Variants in DNAJC10 observed in about 807,000 individuals in gnomAD.
The protein encoded by DNAJC10 is DnaJ heat shock protein family (Hsp40) member C10.
Under a neutral mutation model 115.0 loss-of-function variants are expected in DNAJC10, and 101 were observed. That is an observed-to-expected ratio of 0.88 (90% confidence interval 0.75 to 1.04). The LOEUF is 1.04. Ranked by LOEUF, DNAJC10 falls within the 50% of genes least tolerant of loss-of-function variation. DNAJC10 has a pLI of 0.00. For synonymous variants in DNAJC10, 307 were observed against 301.5 expected (o/e 1.02, Z -0.19); for missense variants, 981 against 928.8 (o/e 1.06, Z -0.73).
rs574347065 is a variant in DNAJC10, at chr2:182,783,083, A to G, written c.*5951A>G. On this transcript the variant is annotated 3_prime_UTR_variant, in exon 24 of 24. Transcript: ENST00000264065. ...TTATTATTTTGAGATATGTTCCATC[A>G]TATCTAGTTTTTTGAGTGTTTTTAG... 1 of 152,294 alleles carries G rather than the reference A, an allele frequency of 6.6e-6. No individual in the cohort carries two copies. The highest frequency in any genetic ancestry group is 1.9e-4 in the East Asian group (1 of 5,188). The allele number at this position is 152,294 out of a possible 1,614,324, so 9.4% of individuals were successfully genotyped here. A position where few individuals can be genotyped will look rare whatever the true frequency, so the allele number is the denominator to read the frequency against.
chr2:182,717,124 A>G (rs1013213007), intron 2 of DNAJC10, 52 bp downstream of exon 2: 55 of 152,246 alleles, frequency 3.6e-4, no homozygotes, highest in African/African-American at 1.3e-3. Context: ...AAAAACAGAA[A>G]TGAGGTGCGA....
chr2:182,776,069 A>G (rs1428936365), intron 23 of DNAJC10, among the ~76,000 whole-genome samples: 1 of 152,140 alleles, frequency 6.6e-6, no homozygotes, highest in Non-Finnish European at 1.5e-5. Flanking sequence ...CTCTGAATAT[A>G]CCAAAAACCA....
At chr2:182,759,476 CTTTGTTAAAGCTTT>C (rs1047482506) in intron 21 of DNAJC10, among the ~76,000 whole-genome samples, 169 bp downstream of exon 21, 1 of 151,924 alleles carries the variant, frequency 6.6e-6, no homozygotes, top group African/African-American at 2.4e-5. Flanking sequence ...TTTCCTCTTT[CTTTGTTAAAGCTTT>C]TAGCTAACAT....
chr2:182,756,763 C>G (rs1694167184), intron 18 of DNAJC10, among the ~76,000 whole-genome samples: 1 of 152,064 alleles, frequency 6.6e-6, no homozygotes, highest in African/African-American at 2.4e-5. Context: ...CTCAACCACC[C>G]TAGTAGCTGG....
At chr2:182,750,032 C>T (rs559469204) in intron 14 of DNAJC10, among the ~76,000 whole-genome samples, 1 of 152,190 alleles carries the variant, frequency 6.6e-6, no homozygotes, top group African/African-American at 2.4e-5. Context: ...GGGCTGCTCT[C>T]AATATGGTAG....
chr2:182,769,736 G>A lies in DNAJC10; in HGVS notation c.2266-5580G>A, dbSNP rs536876370. 1.4e-4 allele frequency among the ~76,000 whole-genome samples: 21 copies of A among 152,232 alleles called. No individual in the cohort carries two copies. The South Asian group carries it at 4.1e-3, about 30-fold the overall frequency. On this transcript the variant is annotated intron_variant, in intron 22 of 23. Coordinates refer to ENST00000264065, the MANE Select transcript of DNAJC10 (RefSeq NM_018981.4). ...TGGATATTAGCCCTTTGTCAGATGGGTAGATTGCCAACATTTTCTCCCATT... is the reference window on the plus strand; with the variant it reads ...TGGATATTAGCCCTTTGTCAGATGGATAGATTGCCAACATTTTCTCCCATT...
At chr2:182,772,983 GTTTC>G (rs1694607491) in intron 22 of DNAJC10, among the ~76,000 whole-genome samples, 1 of 152,180 alleles carries the variant, frequency 6.6e-6, no homozygotes, top group Non-Finnish European at 1.5e-5. Context: ...GGTTCCAGTT[GTTTC>G]TTCCCAAGTT....
chr2:182,758,999 T>C (rs1694225667), intron 20 of DNAJC10, 109 bp downstream of exon 20: 4 of 1,095,436 alleles, frequency 3.7e-6, no homozygotes, highest in Admixed American at 2.2e-5. Flanking sequence ...GCATTTTAAA[T>C]TACTTAGTAA....
intron 11 of DNAJC10, chr2:182,739,705 G>A (rs1032430885): frequency 9.8e-7 from 1 of 1,017,600 alleles, no homozygotes. Context: ...TTTAAGATAA[G>A]ATCTGTATCA....
In DNAJC10 at chr2:182,718,097, G is replaced by A; in HGVS notation, c.11G>A (p.Trp4Ter). ...TGCATAAGAAAGAGAATGGGAGTCT[G>A]GTTAAATAAAGATGACTATATCAGA... MGV[W>*]LNKDDYIRDL... is the part of the protein sequence containing the mutation. The change falls in exon 3 of 24, where the codon TGG becomes TAG. Residue 4 changes from tryptophan (W) to a stop codon, truncating the protein, a stop_gained. Coordinates refer to ENST00000264065, the MANE Select transcript of DNAJC10 (RefSeq NM_018981.4). LOFTEE classifies it high-confidence loss of function. 6.2e-7 allele frequency: 1 copy of A among 1,601,722 alleles called. No individual in the cohort carries two copies. The highest frequency in any genetic ancestry group is 2.2e-5 in the East Asian group (1 of 44,548).
At position 182,782,581 on chromosome 2, in the gene DNAJC10, CCT is replaced by C. The variant is rs1172015762; in HGVS notation, c.*5455_*5456del. On this transcript the variant is annotated 3_prime_UTR_variant, in exon 24 of 24. Coordinates refer to ENST00000264065, the MANE Select transcript of DNAJC10 (RefSeq NM_018981.4). ...GAATGCTTTTTCCATTTGTTTCTGT[CCT>C]CTCTCATTTCCTTGAGCAGTGGTTT... 1.3e-5 allele frequency: 2 copies of C among 152,126 alleles called. No homozygotes were observed. Among genetic ancestry groups the C allele is most frequent in the African/African-American group, 2.4e-5 (1 of 41,424 alleles). 9.4% of individuals were successfully genotyped at this position (152,126 alleles called of 1,614,324 possible).
chr2:182,766,948 A>G (rs897534323), intron 22 of DNAJC10, among the ~76,000 whole-genome samples: 3 of 152,062 alleles, frequency 2.0e-5, no homozygotes, highest in Admixed American at 1.3e-4. Flanking sequence ...GGGGGAGGAA[A>G]AGGCTCCAGT....
intron 15 of DNAJC10, 50 bp from the exon 16 acceptor site, chr2:182,752,022 G>A (rs368091239): frequency 3.3e-5 from 48 of 1,455,676 alleles, no homozygotes; most frequent in African/African-American, 2.1e-4. Flanking sequence ...TGATGGGGGG[G>A]TTTTTTGTGT....
At chr2:182,732,707 T>A in intron 10 of DNAJC10, 165 bp downstream of exon 10, 1 of 611,096 alleles carries the variant, frequency 1.6e-6, no homozygotes. Context: ...TCCTGAATAA[T>A]TAGTTACGTT....
chr2:182,775,453 A>G, intron 23 of DNAJC10, 33 bp downstream of exon 23: 1 of 1,426,030 alleles, frequency 7.0e-7, no homozygotes, highest in Non-Finnish European at 9.8e-7. Context: ...ACTTTGGCAA[A>G]AGTTGGCAAA....
At chr2:182,760,103 C>T (rs1694253573) in intron 21 of DNAJC10, among the ~76,000 whole-genome samples, 3 of 152,272 alleles carry the variant, frequency 2.0e-5, no homozygotes, top group Middle Eastern at 3.4e-3. Context: ...GTCCACCTCA[C>T]ACCTTAGATT....
At chr2:182,758,794 A>G (rs1222903276) in intron 19 of DNAJC10, 43 bp from the exon 20 acceptor site, 2 of 1,362,600 alleles carry the variant, frequency 1.5e-6, no homozygotes, top group Non-Finnish European at 2.1e-6. Flanking sequence ...TACATCCAAT[A>G]ATAGAGAATC....
In DNAJC10 at chr2:182,791,286, C is replaced by A. The variant is rs1183622362; in HGVS notation, c.*14154C>A. ...ACTAGTATGCCTTGGTGTGAATAAA[C>A]CTTAACATAGAAACTCACCCAGCCT... On this transcript the variant is annotated 3_prime_UTR_variant, in exon 24 of 24. Coordinates refer to ENST00000264065, the MANE Select transcript of DNAJC10 (RefSeq NM_018981.4). 1.3e-5 allele frequency: 2 copies of A among 152,004 alleles called. No individual in the cohort carries two copies. Among genetic ancestry groups the A allele is most frequent in the African/African-American group, 2.4e-5 (1 of 41,386 alleles). 9.4% of individuals were successfully genotyped at this position (152,004 alleles called of 1,614,324 possible). A position where few individuals can be genotyped will look rare whatever the true frequency, so the allele number is the denominator to read the frequency against.
intron 14 of DNAJC10, among the ~76,000 whole-genome samples, chr2:182,750,581 C>T (rs986589906): frequency 5.9e-5 from 9 of 152,108 alleles, no homozygotes; most frequent in African/African-American, 2.2e-4. Context: ...AGATTTCATC[C>T]TTGTACAAAC....
Sources: gnomAD v4.1 joint callset for allele counts (sites outside exome capture counted in the v4.1 genomes callset) on GRCh38, gnomAD v4.1.1 for gene constraint, MANE v1.5 for transcripts, NCBI Gene and HGNC (gene_info 2026-07-23, HGNC 2026-07-21) for gene names.